The following FADS1 variants were observed in gnomAD, a reference collection of about 807,000 sequenced individuals.
FADS1 encodes the protein acyl-CoA (8-3)-desaturase.
FADS1 carries 17 observed loss-of-function variants against 61.6 expected under a neutral mutation model. The observed-to-expected ratio is 0.28, with a 90% confidence interval of 0.19 to 0.41. The LOEUF (loss-of-function observed/expected upper bound fraction) is 0.41, where lower values mean the gene tolerates loss of function less well. Ranked by LOEUF, FADS1 falls within the 10% of genes least tolerant of loss-of-function variation. The probability of loss-of-function intolerance (pLI) is 1.00; values close to 1 mark genes in which losing one functional copy is unlikely to be tolerated. For synonymous variants in FADS1, 238 were observed against 258.7 expected (o/e 0.92, Z 0.77); for missense variants, 387 against 650.9 (o/e 0.59, Z 4.41).
chr11:61,802,879 AG>A lies in FADS1; in HGVS notation c.1375del (p.Leu459TrpfsTer11). On this transcript the variant is annotated frameshift_variant, in exon 11 of 12. Transcript: ENST00000350997. LOFTEE classifies it high-confidence loss of function. This position sits in a 1 kb window ranked among gnomAD's most constrained non-coding sequence, Gnocchi z 4.2. ...ATGCTTGGCACACAAGGACTGCACC[AG>A]GGGAGCCACTTTGTGGTAATTGTGT... is the stretch of plus-strand genomic sequence containing the variant. ...PRHNYHKVAPLVQSLCAKHGI... is the reference protein window; with the variant it reads ...PRHNYHKVAPXVQSLCAKHGI... The A allele has an allele frequency of 6.2e-7, 1 of 1,614,174 alleles. No individual in the cohort carries two copies. The highest frequency in any genetic ancestry group is 8.5e-7 in the Non-Finnish European group (1 of 1,180,006).
chr11:61,800,935 T>A lies in FADS1; in HGVS notation c.*1476A>T, dbSNP rs1166858117. Reference sequence around the variant, plus strand: ...AGATGATTAAAAAGTTACATTTTAGTATTATACTGATAGGAATATAGGATA... The same window carrying A: ...AGATGATTAAAAAGTTACATTTTAGAATTATACTGATAGGAATATAGGATA... On this transcript the variant is annotated 3_prime_UTR_variant, in exon 12 of 12. Coordinates refer to ENST00000350997, the MANE Select transcript of FADS1 (RefSeq NM_013402.7). 1 of 152,364 alleles carries A rather than the reference T, an allele frequency of 6.6e-6. No individual in the cohort carries two copies. The highest frequency in any genetic ancestry group is 1.5e-5 in the Non-Finnish European group (1 of 68,044). 9.4% of individuals were successfully genotyped at this position (152,364 alleles called of 1,614,324 possible).
rs1044672985 is a variant in FADS1, at chr11:61,816,891, G to T, written c.39C>A (p.Cys13Ter). The T allele has an allele frequency of 1.4e-6, 2 of 1,455,670 alleles. No homozygotes were observed. Among genetic ancestry groups the T allele is most frequent in the African/African-American group, 3.0e-5 (2 of 66,982 alleles). 90.2% of individuals were successfully genotyped at this position (1,455,670 alleles called of 1,614,324 possible). ...TRAARPAGLPCGAENPARRRL... is the reference protein window; with the variant it reads ...TRAARPAGLP ...GCCTGCGCGCCGGGTTTTCAGCACC[G>T]CAGGGCAGACCGGCGGGCCTCGCAG... is the stretch of plus-strand genomic sequence containing the variant. Residue 13 changes from cysteine (C) to a stop codon, truncating the protein, a stop_gained, in exon 1 of 12, where the codon TGC (cysteine) becomes TGA (stop). Transcript: ENST00000350997. LOFTEE classifies it high-confidence loss of function. This position sits in a 1 kb window ranked among gnomAD's most constrained non-coding sequence, Gnocchi z 7.0.
rs577692086 is a variant in FADS1 at position 61,815,989 on chromosome 11, G to A, written c.375+566C>T. The stretch of plus-strand genomic sequence containing the variant: ...CTTCCGCGTCCTCCAGTCTTCACAC[G>A]ACGCAGGGGTCCCCAAGGCAGCGGT... On this transcript the variant is annotated intron_variant, in intron 1 of 11. Transcript: ENST00000350997. This position sits in a 1 kb window ranked among gnomAD's most constrained non-coding sequence, Gnocchi z 6.4. 6.9e-5 allele frequency: 31 copies of A among 451,304 alleles called. No homozygotes were observed. In the East Asian group the frequency reaches 1.2e-3, roughly 18 times the overall value. 28.0% of individuals were successfully genotyped at this position (451,304 alleles called of 1,614,324 possible). A position where few individuals can be genotyped will look rare whatever the true frequency, so the allele number is the denominator to read the frequency against.
intron 6 of FADS1, chr11:61,805,137 T>A (rs2066884462): frequency 5.4e-6 from 2 of 370,286 alleles, no homozygotes; most frequent in Non-Finnish European, 9.7e-6. Flanking sequence ...CCCACACTTT[T>A]AAAAGGGTGC....
Position 61,816,202 on chromosome 11 carries a change from C to T in FADS1, c.375+353G>A, listed in dbSNP as rs2066980810. On this transcript the variant is annotated intron_variant, in intron 1 of 11. Transcript: ENST00000350997. The surrounding 1 kb of genome is among the most constrained non-coding windows in gnomAD (Gnocchi z 7.0). ...ACCCCCTCCCTCCCCAGGCGGCCTGCATCCTTGCTCTCCTCCCTCCTAGCC... is the reference window on the plus strand; with the variant it reads ...ACCCCCTCCCTCCCCAGGCGGCCTGTATCCTTGCTCTCCTCCCTCCTAGCC... The T allele has an allele frequency of 1.3e-6, 2 of 1,533,056 alleles. No individual in the cohort carries two copies. The highest frequency in any genetic ancestry group is 3.6e-5 in the Admixed American group (2 of 55,184). 95.0% of individuals were successfully genotyped at this position (1,533,056 alleles called of 1,614,324 possible).
chr11:61,812,672 C>T lies in FADS1; in HGVS notation c.487-4G>A, dbSNP rs1591154231. The T allele has an allele frequency of 6.2e-7, 1 of 1,613,184 alleles. No individual in the cohort carries two copies. Among genetic ancestry groups the T allele is most frequent in the East Asian group, 2.2e-5 (1 of 44,860 alleles). On this transcript the variant is annotated splice_region_variant and splice_polypyrimidine_tract_variant and intron_variant, in intron 2 of 11. Coordinates refer to ENST00000350997, the MANE Select transcript of FADS1 (RefSeq NM_013402.7). ...GGAACTCATCTGTCAGCTCTTTCTG[C>T]AGAAGAGGAAGAGGAGCTGTTATTC... is the stretch of plus-strand genomic sequence containing the variant.
chr11:61,816,212 C>G lies in FADS1; in HGVS notation c.375+343G>C. On this transcript the variant is annotated intron_variant, in intron 1 of 11. Transcript: ENST00000350997. This position sits in a 1 kb window ranked among gnomAD's most constrained non-coding sequence, Gnocchi z 7.0. ...TCCCCAGGCGGCCTGCATCCTTGCTCTCCTCCCTCCTAGCCTACCCAGCTC... is the reference window on the plus strand; with the variant it reads ...TCCCCAGGCGGCCTGCATCCTTGCTGTCCTCCCTCCTAGCCTACCCAGCTC... 1 of 1,567,888 alleles carries G rather than the reference C, an allele frequency of 6.4e-7. No homozygotes were observed. Among genetic ancestry groups the G allele is most frequent in the Non-Finnish European group, 8.6e-7 (1 of 1,160,640 alleles).
chr11:61,803,570 C>T lies in FADS1; in HGVS notation c.1151+100G>A. 7 of 1,352,124 alleles carry T rather than the reference C, an allele frequency of 5.2e-6. No homozygotes were observed. In the East Asian group the frequency reaches 9.2e-5, roughly 18 times the overall value. 83.8% of individuals were successfully genotyped at this position (1,352,124 alleles called of 1,614,324 possible). A position where few individuals can be genotyped will look rare whatever the true frequency, so the allele number is the denominator to read the frequency against. On this transcript the variant is annotated intron_variant, in intron 8 of 11. Coordinates refer to ENST00000350997, the MANE Select transcript of FADS1 (RefSeq NM_013402.7). This position sits in a 1 kb window ranked among gnomAD's most constrained non-coding sequence, Gnocchi z 4.3. The stretch of plus-strand genomic sequence containing the variant: ...TACTTTCCCAAGCCAACTCCTGAAA[C>T]ACCCACTGTTACCCAAAGCCCCAGC...
chr11:61,816,207 T>C lies in FADS1; in HGVS notation c.375+348A>G, dbSNP rs1375048002. Reference sequence around the variant, plus strand: ...CTCCCTCCCCAGGCGGCCTGCATCCTTGCTCTCCTCCCTCCTAGCCTACCC... The same window carrying C: ...CTCCCTCCCCAGGCGGCCTGCATCCCTGCTCTCCTCCCTCCTAGCCTACCC... On this transcript the variant is annotated intron_variant, in intron 1 of 11. Transcript: ENST00000350997. This position sits in a 1 kb window ranked among gnomAD's most constrained non-coding sequence, Gnocchi z 7.0. The C allele has an allele frequency of 4.5e-6, 7 of 1,558,398 alleles. No homozygotes were observed. The East Asian group carries it at 1.6e-4, about 35-fold the overall frequency.
intron 1 of FADS1, among the ~76,000 whole-genome samples, chr11:61,813,881 C>G: frequency 7.4e-6 from 1 of 134,522 alleles, no homozygotes; most frequent in Non-Finnish European, 1.6e-5. Context: ...AGGAGAATGG[C>G]GTGAACCCCG....
In FADS1 at chr11:61,804,815, G is replaced by A. The variant is rs540146908; in HGVS notation, c.977-54C>T. The A allele has an allele frequency of 2.7e-6, 4 of 1,482,150 alleles. No homozygotes were observed. The East Asian group carries it at 9.0e-5, about 33-fold the overall frequency. The allele number at this position is 1,482,150 out of a possible 1,614,324, so 91.8% of individuals were successfully genotyped here. A position where few individuals can be genotyped will look rare whatever the true frequency, so the allele number is the denominator to read the frequency against. On this transcript the variant is annotated intron_variant, in intron 6 of 11. Coordinates refer to ENST00000350997, the MANE Select transcript of FADS1 (RefSeq NM_013402.7). Reference sequence around the variant, plus strand: ...GCATGAGCACAGGAAGGTCATGAAAGGGCCAGTTGATGTTGGGAGAGATGG... The same window carrying A: ...GCATGAGCACAGGAAGGTCATGAAAAGGCCAGTTGATGTTGGGAGAGATGG...
intron 5 of FADS1, among the ~76,000 whole-genome samples, chr11:61,806,981 T>C (rs1250532556): frequency 1.3e-5 from 2 of 152,174 alleles, no homozygotes; most frequent in Non-Finnish European, 2.9e-5. Context: ...CAGCACAGAG[T>C]CTACAGGACC....
In FADS1 at chr11:61,812,452, A is replaced by G; in HGVS notation, c.684+19T>C. On this transcript the variant is annotated intron_variant, in intron 3 of 11. Coordinates refer to ENST00000350997, the MANE Select transcript of FADS1 (RefSeq NM_013402.7). ...GATGCTGAGCATTGCTGTGCACTTG[A>G]CAAGCCAAAGGCTCTCACCTGAACT... 1 of 1,612,570 alleles carries G rather than the reference A, an allele frequency of 6.2e-7. No individual in the cohort carries two copies. The highest frequency in any genetic ancestry group is 2.2e-5 in the East Asian group (1 of 44,874).
Position 61,800,727 on chromosome 11 carries a change from A to G in FADS1, c.*1684T>C, listed in dbSNP as rs770697344. The G allele has an allele frequency of 6.6e-6, 1 of 152,334 alleles. No individual in the cohort carries two copies. Among genetic ancestry groups the G allele is most frequent in the African/African-American group, 2.4e-5 (1 of 41,396 alleles). The allele number at this position is 152,334 out of a possible 1,614,324, so 9.4% of individuals were successfully genotyped here. A position where few individuals can be genotyped will look rare whatever the true frequency, so the allele number is the denominator to read the frequency against. On this transcript the variant is annotated 3_prime_UTR_variant, in exon 12 of 12. Coordinates refer to ENST00000350997, the MANE Select transcript of FADS1 (RefSeq NM_013402.7). ...CTTCTCCCAGTGTCTAAAATGATCA[A>G]TATGCCTAGAGTAGATGCTGCTGAA...
intron 1 of FADS1, 200 bp from the exon 2 acceptor site, chr11:61,813,553 C>T (rs375215145): frequency 5.3e-6 from 3 of 567,702 alleles, no homozygotes; most frequent in South Asian, 2.4e-5. Context: ...TGCACCAATC[C>T]GTGCTCTTTA....
chr11:61,816,896 G>A lies in FADS1; in HGVS notation c.34C>T (p.Pro12Ser), dbSNP rs2066990839. Residue 12 changes from proline (P) to serine (S), a missense_variant, in exon 1 of 12, where the codon CCC becomes TCC. Around this residue, in one of 2 missense-constraint regions of FADS1, gnomAD observed 130 missense variants for 117.7 expected, o/e 1.10. Coordinates refer to ENST00000350997, the MANE Select transcript of FADS1 (RefSeq NM_013402.7). The surrounding 1 kb of genome is among the most constrained non-coding windows in gnomAD (Gnocchi z 7.0). ...GTRAARPAGLPCGAENPARRR... is the reference protein window; with the variant it reads ...GTRAARPAGLSCGAENPARRR... Reference sequence around the variant, plus strand: ...CGCGCCGGGTTTTCAGCACCGCAGGGCAGACCGGCGGGCCTCGCAGCGCGC... The same window carrying A: ...CGCGCCGGGTTTTCAGCACCGCAGGACAGACCGGCGGGCCTCGCAGCGCGC... The A allele has an allele frequency of 1.4e-6, 2 of 1,429,564 alleles. No individual in the cohort carries two copies. Among genetic ancestry groups the A allele is most frequent in the Non-Finnish European group, 9.1e-7 (1 of 1,104,302 alleles). The allele number at this position is 1,429,564 out of a possible 1,614,324, so 88.6% of individuals were successfully genotyped here.
At chr11:61,813,892 G>GA (rs1231658959) in intron 1 of FADS1, among the ~76,000 whole-genome samples, 1 of 151,466 alleles carries the variant, frequency 6.6e-6, no homozygotes, top group Non-Finnish European at 1.5e-5. Flanking sequence ...GTGAACCCCG[G>GA]GGGAGGGCGG....
rs899724921 is a variant in FADS1 at position 61,803,573 on chromosome 11, C to T, written c.1151+97G>A. The T allele has an allele frequency of 1.5e-6, 2 of 1,341,590 alleles. No individual in the cohort carries two copies. The highest frequency in any genetic ancestry group is 2.9e-5 in the African/African-American group (2 of 69,612). The allele number at this position is 1,341,590 out of a possible 1,614,324, so 83.1% of individuals were successfully genotyped here. The stretch of plus-strand genomic sequence containing the variant: ...TTTCCCAAGCCAACTCCTGAAACAC[C>T]CACTGTTACCCAAAGCCCCAGCACG... On this transcript the variant is annotated intron_variant, in intron 8 of 11. Transcript: ENST00000350997. This position sits in a 1 kb window ranked among gnomAD's most constrained non-coding sequence, Gnocchi z 4.3.
chr11:61,811,683 A>C, intron 3 of FADS1: 1 of 266,396 alleles, frequency 3.8e-6, no homozygotes, highest in South Asian at 3.0e-5. Context: ...TTCGCTTCCC[A>C]GGTTCAAGCA....
Sources: allele counts gnomAD v4.1 joint callset (sites outside exome capture counted in the v4.1 genomes callset), GRCh38; gene constraint gnomAD v4.1.1; regional missense constraint gnomAD v4.1.1; non-coding constraint Gnocchi (gnomAD v3.1); transcripts MANE v1.5; gene names NCBI Gene and HGNC (gene_info 2026-07-23, HGNC 2026-07-21).